Variants in TMEM117 observed in about 807,000 individuals in gnomAD.
TMEM117 encodes transmembrane protein 117.
Under a neutral mutation model 52.4 loss-of-function variants are expected in TMEM117, and 27 were observed. The observed-to-expected ratio is 0.51, with a 90% confidence interval of 0.38 to 0.71. The LOEUF is 0.71. Among genes scored for constraint, TMEM117 ranks in the 30% least tolerant of loss-of-function variants. The pLI, the probability that TMEM117 is intolerant of heterozygous loss-of-function variation, is 0.00. For synonymous variants in TMEM117, 215 were observed against 206.3 expected (o/e 1.04, Z -0.36); for missense variants, 556 against 630.5 (o/e 0.88, Z 1.26).
In TMEM117 at chr12:44,389,320, A is replaced by G. The variant is rs1461348407; in HGVS notation, c.*648A>G. The G allele has an allele frequency of 1.3e-5, 2 of 152,626 alleles. No individual in the cohort carries two copies. The highest frequency in any genetic ancestry group is 2.9e-5 in the Non-Finnish European group (2 of 68,068). The allele number at this position is 152,626 out of a possible 1,614,324, so 9.5% of individuals were successfully genotyped here. A position where few individuals can be genotyped will look rare whatever the true frequency, so the allele number is the denominator to read the frequency against. On this transcript the variant is annotated 3_prime_UTR_variant, in exon 8 of 8. Transcript: ENST00000266534. ...TCGTGAAATGTGACTTTCTCCCACC[A>G]GTAATTGAAATGAGGTGATGATACC...
intron 2 of TMEM117, among the ~76,000 whole-genome samples, chr12:43,942,802 G>T (rs1459934674): frequency 6.6e-6 from 1 of 152,006 alleles, no homozygotes; most frequent in African/African-American, 2.4e-5. Flanking sequence ...ACTGTTTGTC[G>T]CTAGAGAGAT....
At chr12:43,925,326 T>C (rs1944762000) in intron 2 of TMEM117, among the ~76,000 whole-genome samples, 1 of 152,094 alleles carries the variant, frequency 6.6e-6, no homozygotes, top group Non-Finnish European at 1.5e-5. Context: ...TTAAAAGTAT[T>C]GAATTGGGTT....
rs569738297 is a variant in TMEM117, at chr12:44,276,230, T to C, written c.609-23350T>C. Among the ~76,000 whole-genome samples the C allele has an allele frequency of 2.2e-4, 34 of 152,266 alleles. 1 individual carries two copies. Among genetic ancestry groups the C allele is most frequent in the South Asian group, 1.9e-3 (9 of 4,830 alleles). On this transcript the variant is annotated intron_variant, in intron 5 of 7. Transcript: ENST00000266534. ...TGCTCATTACTCACACTAGCCAAGA[T>C]ATGGAATCAACTTAAGTATCCATCA... is the stretch of plus-strand genomic sequence containing the variant.
intron 3 of TMEM117, among the ~76,000 whole-genome samples, chr12:44,131,438 A>G (rs1217117693): frequency 1.3e-5 from 2 of 152,102 alleles, no homozygotes; most frequent in Non-Finnish European, 2.9e-5. Context: ...TCTCTGTTGC[A>G]TTAAAAGAAT....
At chr12:44,194,959 G>A (rs1019333741) in intron 4 of TMEM117, among the ~76,000 whole-genome samples, 1 of 152,200 alleles carries the variant, frequency 6.6e-6, no homozygotes, top group African/African-American at 2.4e-5. Context: ...AAAGAGCAAA[G>A]ATTAGCAGGC....
rs188463431 is a variant in TMEM117, at chr12:44,278,421, T to C, written c.609-21159T>C. Among the ~76,000 whole-genome samples, 373 of 152,352 alleles carry C rather than the reference T, an allele frequency of 2.4e-3. 1 individual carries two copies. Among genetic ancestry groups the C allele is most frequent in the Middle Eastern group, 0.01 (3 of 294 alleles). On this transcript the variant is annotated intron_variant, in intron 5 of 7. Transcript: ENST00000266534. Reference sequence around the variant, plus strand: ...TTTCCAAATTCCCTGTTTCTGTAAGTGTCATCCAAGTTTAGTAATAAGTTT... The same window carrying C: ...TTTCCAAATTCCCTGTTTCTGTAAGCGTCATCCAAGTTTAGTAATAAGTTT...
intron 2 of TMEM117, among the ~76,000 whole-genome samples, chr12:43,860,508 C>T (rs1006154302): frequency 4.6e-5 from 7 of 152,028 alleles, no homozygotes; most frequent in Admixed American, 2.6e-4. Context: ...GGGAGGGGTC[C>T]AGAGAGTTCC....
chr12:44,191,690 C>T (rs1949356854), intron 4 of TMEM117, among the ~76,000 whole-genome samples: 1 of 152,120 alleles, frequency 6.6e-6, no homozygotes, highest in African/African-American at 2.4e-5. Flanking sequence ...TCATCCAGGT[C>T]TCACAACAAT....
At chr12:44,205,191 G>GC (rs1864449677) in intron 4 of TMEM117, among the ~76,000 whole-genome samples, 1 of 152,152 alleles carries the variant, frequency 6.6e-6, no homozygotes, top group Non-Finnish European at 1.5e-5. Context: ...CAAGGGAGGT[G>GC]CCAGTGGAGA....
chr12:44,041,398 A>G (rs574557412), intron 3 of TMEM117, among the ~76,000 whole-genome samples: 2 of 152,102 alleles, frequency 1.3e-5, no homozygotes, highest in East Asian at 1.9e-4. Flanking sequence ...AAGAATCTGT[A>G]TCATGCATGC....
At chr12:43,831,640 T>C (rs1942983354), upstream of TMEM117, among the ~76,000 whole-genome samples, 1 of 151,658 alleles carries the variant, frequency 6.6e-6, no homozygotes, top group African/African-American at 2.4e-5. Context: ...ACCTCCCAGG[T>C]TCAAGTGATT....
intron 5 of TMEM117, among the ~76,000 whole-genome samples, chr12:44,236,189 G>T (rs201302243): frequency 0.034 from 4,813 of 140,610 alleles, 81 homozygotes; most frequent in Admixed American, 0.057. Flanking sequence ...TATATATATA[G>T]AGAGAGAGAG....
In TMEM117 at chr12:44,028,271, A is replaced by G. The variant is rs1159561854; in HGVS notation, c.410+83929A>G. The stretch of plus-strand genomic sequence containing the variant: ...CCCTTCCATCATTCCAGTATCTGGA[A>G]CAAAGGCATGGGGTGAATGAATGAA... On this transcript the variant is annotated intron_variant, in intron 3 of 7. Transcript: ENST00000266534. Among the ~76,000 whole-genome samples, 7 of 152,294 alleles carry G rather than the reference A, an allele frequency of 4.6e-5. No homozygotes were observed. The East Asian group carries it at 1.4e-3, about 29-fold the overall frequency.
chr12:44,275,358 T>C (rs1011794853), intron 5 of TMEM117, among the ~76,000 whole-genome samples: 4 of 152,062 alleles, frequency 2.6e-5, no homozygotes, highest in East Asian at 1.9e-4. Context: ...CAATGTAAAT[T>C]AGTGCAACTG....
chr12:43,965,570 T>C (rs947122139), intron 3 of TMEM117, among the ~76,000 whole-genome samples: 2 of 152,222 alleles, frequency 1.3e-5, no homozygotes, highest in Non-Finnish European at 2.9e-5. Context: ...AAATGTTGTT[T>C]ACTTTCTGTT....
intron 3 of TMEM117, among the ~76,000 whole-genome samples, chr12:44,125,021 T>C (rs1948299406): frequency 6.6e-6 from 1 of 152,202 alleles, no homozygotes; most frequent in South Asian, 2.1e-4. Context: ...AGAATTCAGC[T>C]GTGAATCTGT....
intron 2 of TMEM117, among the ~76,000 whole-genome samples, chr12:43,900,899 C>T (rs1258824521): frequency 6.6e-6 from 1 of 151,972 alleles, no homozygotes; most frequent in Non-Finnish European, 1.5e-5. Flanking sequence ...ATTAAAATCA[C>T]CTACTATTCG....
intron 3 of TMEM117, among the ~76,000 whole-genome samples, chr12:43,961,600 T>C (rs1945404563): frequency 6.6e-6 from 1 of 152,200 alleles, no homozygotes; most frequent in Admixed American, 6.5e-5. Flanking sequence ...AAATCTATAA[T>C]ATTTCATTAG....
In TMEM117 at chr12:44,191,975, G is replaced by T. The variant is rs897913165; in HGVS notation, c.511-19315G>T. ...CCTATGAGCAAATGTAAAAGGTCAAGGGATACAAATTTTATTGATGTATGT... is the reference window on the plus strand; with the variant it reads ...CCTATGAGCAAATGTAAAAGGTCAATGGATACAAATTTTATTGATGTATGT... On this transcript the variant is annotated intron_variant, in intron 4 of 7. Coordinates refer to ENST00000266534, the MANE Select transcript of TMEM117 (RefSeq NM_032256.3). 2.0e-5 allele frequency among the ~76,000 whole-genome samples: 3 copies of T among 152,168 alleles called. No individual in the cohort carries two copies. The East Asian group carries it at 5.8e-4, about 29-fold the overall frequency.
Sources: gnomAD v4.1 joint callset for allele counts (sites outside exome capture counted in the v4.1 genomes callset) on GRCh38, gnomAD v4.1.1 for gene constraint, MANE v1.5 for transcripts, NCBI Gene and HGNC (gene_info 2026-07-23, HGNC 2026-07-21) for gene names.